Variants in KAT6B observed in about 807,000 individuals in gnomAD.
The protein encoded by KAT6B is histone acetyltransferase KAT6B.
Under a neutral mutation model 187.5 loss-of-function variants are expected in KAT6B, and 10 were observed. The ratio of observed to expected loss-of-function variants is 0.05; its 90% CI spans 0.03 to 0.09. KAT6B has a LOEUF of 0.09. Among genes scored for constraint, KAT6B ranks in the 10% least tolerant of loss-of-function variants. KAT6B has a pLI of 1.00. For synonymous variants in KAT6B, 861 were observed against 926.8 expected, an observed-to-expected ratio of 0.93 and a Z score of 1.29; for missense variants, 1,952 against 2,558.9, an observed-to-expected ratio of 0.76 and a Z score of 5.12.
chr10:74,942,713 C>T (rs986298240), intron 3 of KAT6B, among the ~76,000 whole-genome samples: 10 of 128,588 alleles, frequency 7.8e-5, no homozygotes, highest in Admixed American at 2.9e-4. Flanking sequence ...TGCAGTGAGC[C>T]GAGATCGTGC....
intron 3 of KAT6B, among the ~76,000 whole-genome samples, chr10:74,874,984 A>G (rs1844304570): frequency 6.6e-6 from 1 of 152,146 alleles, no homozygotes; most frequent in South Asian, 2.1e-4. Flanking sequence ...CTCCCCCACC[A>G]GAATGGTTGT....
intron 3 of KAT6B, among the ~76,000 whole-genome samples, chr10:74,919,750 T>C (rs1005282960): frequency 6.6e-6 from 1 of 152,200 alleles, no homozygotes; most frequent in Admixed American, 6.5e-5. Context: ...ATTAAACATA[T>C]GTTAAAATTT....
In KAT6B at chr10:75,029,010, T is replaced by A. The variant is rs775727236; in HGVS notation, c.4186T>A (p.Ser1396Thr). The A allele has an allele frequency of 6.2e-7, 1 of 1,613,416 alleles. No individual in the cohort carries two copies. Among genetic ancestry groups the A allele is most frequent in the Admixed American group, 1.7e-5 (1 of 59,960 alleles). Residue 1396 changes from serine to threonine, a missense_variant, in exon 18 of 18, where the codon TCC becomes ACC. By Grantham distance (58) the Ser-to-Thr change is moderately conservative. This residue lies in a region of KAT6B where 758 missense variants were observed against 891.4 expected (regional missense o/e 0.85). Transcript: ENST00000287239. The surrounding 1 kb of genome is among the most constrained non-coding windows in gnomAD (Gnocchi z 6.2). ...CCAAGAAAAAGAGGAACCAGAAATC[T>A]CCACGGAAAAAGAAGACTCTGCACG... The part of the protein sequence containing the change: ...KSQEKEEPEI[S>T]TEKEDSARLD...
intron 13 of KAT6B, among the ~76,000 whole-genome samples, chr10:75,014,791 G>A (rs760790348): frequency 1.3e-5 from 2 of 152,180 alleles, no homozygotes; most frequent in African/African-American, 2.4e-5. Flanking sequence ...ACATCTGCAC[G>A]AAGCGATTTG....
chr10:74,826,128 G>T (rs1840191629), upstream of KAT6B, among the ~76,000 whole-genome samples: 1 of 152,080 alleles, frequency 6.6e-6, no homozygotes, highest in African/African-American at 2.4e-5. Context: ...CTGCGGGCTA[G>T]GGGGTTTGGG....
chr10:74,832,004 CT>C (rs1418810220), intron 1 of KAT6B, among the ~76,000 whole-genome samples: 1 of 152,214 alleles, frequency 6.6e-6, no homozygotes, highest in African/African-American at 2.4e-5. Flanking sequence ...AACTTTCTTA[CT>C]CTTGATGTAA....
At chr10:74,878,230 G>A (rs1844566089) in intron 3 of KAT6B, among the ~76,000 whole-genome samples, 1 of 152,186 alleles carries the variant, frequency 6.6e-6, no homozygotes, top group Admixed American at 6.5e-5. Flanking sequence ...GGGTTGACTT[G>A]TTCAGTCAGT....
intron 12 of KAT6B, among the ~76,000 whole-genome samples, chr10:74,985,825 T>C (rs922296031): frequency 1.3e-5 from 2 of 152,062 alleles, no homozygotes; most frequent in Non-Finnish European, 2.9e-5. Context: ...GGTGGGCGGA[T>C]CATGAGGTCG....
chr10:75,028,341 G>T, intron 17 of KAT6B, 148 bp from the exon 18 acceptor site: 1 of 1,166,986 alleles, frequency 8.6e-7, no homozygotes, highest in East Asian at 2.3e-5. Flanking sequence ...TTACACATTA[G>T]CCTTGATTAT....
chr10:74,883,795 T>C (rs1845039133), intron 3 of KAT6B, among the ~76,000 whole-genome samples: 1 of 152,224 alleles, frequency 6.6e-6, no homozygotes. Context: ...CTTCTGCCCA[T>C]CCTCATCCAA....
chr10:74,885,295 T>C (rs1169678434), intron 3 of KAT6B, among the ~76,000 whole-genome samples: 1 of 152,056 alleles, frequency 6.6e-6, no homozygotes, highest in African/African-American at 2.4e-5. Flanking sequence ...TGGTCTGGAC[T>C]CCAGGCCTCA....
intron 3 of KAT6B, among the ~76,000 whole-genome samples, chr10:74,948,701 A>G (rs1325979099): frequency 6.6e-6 from 1 of 152,260 alleles, no homozygotes; most frequent in Non-Finnish European, 1.5e-5. Flanking sequence ...ACACAGCTCT[A>G]CTAAGTATCA....
intron 4 of KAT6B, among the ~76,000 whole-genome samples, chr10:74,961,087 C>T (rs529232136): frequency 5.3e-5 from 8 of 152,136 alleles, no homozygotes; most frequent in Non-Finnish European, 1.0e-4. Flanking sequence ...ATTTCAAACC[C>T]TGCTTGAAAA....
chr10:74,882,507 TATA>T (rs1461408985), intron 3 of KAT6B, among the ~76,000 whole-genome samples: 1 of 152,244 alleles, frequency 6.6e-6, no homozygotes, highest in Non-Finnish European at 1.5e-5. Context: ...GCTGTGCATC[TATA>T]ATAAGTTGTT....
intron 13 of KAT6B, among the ~76,000 whole-genome samples, chr10:75,016,456 C>T (rs1028098925): frequency 9.9e-5 from 15 of 152,168 alleles, no homozygotes; most frequent in African/African-American, 3.6e-4. Context: ...TGTCACCTTC[C>T]CCAGGATAAG....
Position 75,030,349 on chromosome 10 carries a change from C to T in KAT6B, c.5525C>T (p.Ser1842Phe). 1 of 1,614,246 alleles carries T rather than the reference C, an allele frequency of 6.2e-7. No individual in the cohort carries two copies. The highest frequency in any genetic ancestry group is 8.5e-7 in the Non-Finnish European group (1 of 1,180,048). Residue 1842 changes from serine (S) to phenylalanine (F), a missense_variant, in exon 18 of 18, where the codon TCC becomes TTC. By Grantham distance (155) the Ser-to-Phe change is radical. Around this residue, in one of 9 missense-constraint regions of KAT6B, gnomAD observed 358 missense variants for 436.3 expected, o/e 0.82. Transcript: ENST00000287239. This position sits in a 1 kb window ranked among gnomAD's most constrained non-coding sequence, Gnocchi z 4.8. ...TACAGCCATTCCGCTGCTGTGACTT[C>T]CTATGCAAACAGTGCCTCTTTGTCC... ...LPYSHSAAVT[S>F]YANSASLSTP...
chr10:74,868,183 A>C (rs564073161), intron 3 of KAT6B, among the ~76,000 whole-genome samples: 21 of 152,326 alleles, frequency 1.4e-4, no homozygotes, highest in Admixed American at 4.6e-4. Flanking sequence ...CATCTTGACA[A>C]ATACTAGCTG....
intron 16 of KAT6B, chr10:75,023,431 A>G (rs1040632983): frequency 6.6e-6 from 1 of 152,240 alleles, no homozygotes; most frequent in Non-Finnish European, 1.5e-5. Flanking sequence ...TCCATTTCTT[A>G]GGAGGAGTGT....
intron 3 of KAT6B, among the ~76,000 whole-genome samples, chr10:74,863,829 G>A (rs560932295): frequency 2.6e-5 from 4 of 152,186 alleles, no homozygotes; most frequent in Admixed American, 6.5e-5. Flanking sequence ...GCTTCTTAGG[G>A]AAGTTGGAGG....
Sources: allele counts gnomAD v4.1 joint callset (sites outside exome capture counted in the v4.1 genomes callset), GRCh38; gene constraint gnomAD v4.1.1; regional missense constraint gnomAD v4.1.1; non-coding constraint Gnocchi (gnomAD v3.1); transcripts MANE v1.5; gene names NCBI Gene and HGNC (gene_info 2026-07-23, HGNC 2026-07-21).